MAB21L3: variants seen among roughly 807,000 people sequenced by gnomAD.
MAB21L3 encodes mab-21 like 3, also known as protein mab-21-like 3.
Under a neutral mutation model 37.7 loss-of-function variants are expected in MAB21L3, and 36 were observed. The ratio of observed to expected loss-of-function variants is 0.96; its 90% CI spans 0.73 to 1.26. MAB21L3 has a LOEUF of 1.26. Ranked by LOEUF, MAB21L3 falls within the 50% of genes most tolerant of loss-of-function variation. The probability of loss-of-function intolerance (pLI) is 0.00; values close to 1 mark genes in which losing one functional copy is unlikely to be tolerated. For synonymous variants in MAB21L3, 186 were observed against 176.8 expected, an observed-to-expected ratio of 1.05 and a Z score of -0.41; for missense variants, 430 against 447.3, an observed-to-expected ratio of 0.96 and a Z score of 0.35.
intron 3 of MAB21L3, among the ~76,000 whole-genome samples, chr1:116,114,407 A>C (rs1659511097): frequency 6.6e-6 from 1 of 152,228 alleles, no homozygotes; most frequent in Non-Finnish European, 1.5e-5. Flanking sequence ...TGTGATGTAC[A>C]TATTGCCTCC....
Position 116,127,554 on chromosome 1 carries a change from A to G in MAB21L3, c.570A>G (p.Ala190=), listed in dbSNP as rs770569541. The G allele has an allele frequency of 2.5e-6, 4 of 1,614,036 alleles. No individual in the cohort carries two copies. The highest frequency in any genetic ancestry group is 3.4e-6 in the Non-Finnish European group (4 of 1,180,038). Residue 190 remains alanine (A), a synonymous_variant, in exon 6 of 8, where the codon GCA becomes GCG. Transcript: ENST00000369500. ...AGGTGGAACTGGAGCTGGTCCCCGC[A>G]GTGGAGATCCCCACCACCTGGTCCA... is the stretch of plus-strand genomic sequence containing the variant. ...AYQVELELVP[A]VEIPTTWSKK... is the part of the protein sequence containing the mutation.
At position 116,131,517 on chromosome 1, in the gene MAB21L3, T is replaced by A. The variant is rs1468930186; in HGVS notation, c.856-1615T>A. Among the ~76,000 whole-genome samples the A allele has an allele frequency of 4.6e-5, 7 of 150,578 alleles. No homozygotes were observed. In the East Asian group the frequency reaches 7.7e-4, roughly 17 times the overall value. ...ACCTTGAAGTATTTTATTTTATTAA[T>A]TTTTTTTTTGTTTTTGAGACGGAGT... On this transcript the variant is annotated intron_variant, in intron 7 of 7. Coordinates refer to ENST00000369500, the MANE Select transcript of MAB21L3 (RefSeq NM_152367.3).
intron 7 of MAB21L3, among the ~76,000 whole-genome samples, chr1:116,130,375 A>AT (rs201914722): frequency 0.021 from 3,222 of 152,216 alleles, 103 homozygotes; most frequent in African/African-American, 0.074. Flanking sequence ...AAGGATGGGC[A>AT]TTTTTTTTAA....
chr1:116,113,623 T>A (rs1659490408), intron 3 of MAB21L3, among the ~76,000 whole-genome samples: 1 of 152,248 alleles, frequency 6.6e-6, no homozygotes, highest in South Asian at 2.1e-4. Flanking sequence ...CTAAACAGTG[T>A]TCGACACGTT....
chr1:116,123,439 T>A (rs567251885), intron 4 of MAB21L3, among the ~76,000 whole-genome samples: 68 of 152,338 alleles, frequency 4.5e-4, no homozygotes, highest in African/African-American at 1.6e-3. Flanking sequence ...CAAAATCTGT[T>A]ACGTCCCCTC....
chr1:116,124,133 G>A lies in MAB21L3; in HGVS notation c.257G>A (p.Arg86Lys). 1.2e-6 allele frequency: 2 copies of A among 1,614,144 alleles called. No homozygotes were observed. Among genetic ancestry groups the A allele is most frequent in the Non-Finnish European group, 1.7e-6 (2 of 1,179,988 alleles). The change falls in exon 5 of 8, where the codon AGG (arginine) becomes AAG (lysine). Residue 86 changes from arginine to lysine, a missense_variant. By Grantham distance (26) the Arg-to-Lys change is conservative (BLOSUM62 2). Transcript: ENST00000369500. ...GGCCTGGCCGGGTACAGGGAGGCCA[G>A]GGAGCAGCACTGGCGGTACTACACA... ...IKGLAGYREA[R>K]EQHWRYYTLQ...
chr1:116,119,526 T>C (rs1399432642), intron 3 of MAB21L3, among the ~76,000 whole-genome samples: 4 of 152,192 alleles, frequency 2.6e-5, no homozygotes, highest in South Asian at 2.1e-4. Context: ...AAAATGACTC[T>C]AGAATATGTA....
intron 4 of MAB21L3, among the ~76,000 whole-genome samples, chr1:116,123,442 G>A (rs1029750775): frequency 5.9e-5 from 9 of 151,924 alleles, no homozygotes; most frequent in East Asian, 1.9e-4. Context: ...AATCTGTTAC[G>A]TCCCCTCCTG....
intron 7 of MAB21L3, among the ~76,000 whole-genome samples, chr1:116,131,245 G>A (rs1272536849): frequency 6.6e-6 from 1 of 152,224 alleles, no homozygotes; most frequent in African/African-American, 2.4e-5. Flanking sequence ...CTAAGAGAGT[G>A]TGCAATGGGT....
intron 5 of MAB21L3, among the ~76,000 whole-genome samples, 156 bp downstream of exon 5, chr1:116,124,513 C>CT (rs983252162): frequency 1.3e-5 from 2 of 152,324 alleles, no homozygotes; most frequent in Non-Finnish European, 2.9e-5. Flanking sequence ...TATGAATCAG[C>CT]TTTTTTTCCT....
chr1:116,131,998 G>A (rs987447012), intron 7 of MAB21L3, among the ~76,000 whole-genome samples: 2 of 152,134 alleles, frequency 1.3e-5, no homozygotes, highest in African/African-American at 4.8e-5. Context: ...CTAGGTTTTC[G>A]TGTTGCACAA....
chr1:116,129,087 A>G (rs763348322), intron 7 of MAB21L3, among the ~76,000 whole-genome samples: 1 of 152,210 alleles, frequency 6.6e-6, no homozygotes, highest in Non-Finnish European at 1.5e-5. Flanking sequence ...TTCCTCACTC[A>G]TGGCACTTCT....
chr1:116,132,397 G>T (rs1237192341), intron 7 of MAB21L3, among the ~76,000 whole-genome samples: 1 of 152,138 alleles, frequency 6.6e-6, no homozygotes, highest in African/African-American at 2.4e-5. Flanking sequence ...AGGAGGGAGG[G>T]TGTGGGCGAG....
At chr1:116,127,206 G>A (rs1659932618) in intron 5 of MAB21L3, among the ~76,000 whole-genome samples, 1 of 152,102 alleles carries the variant, frequency 6.6e-6, no homozygotes, top group Non-Finnish European at 1.5e-5. Context: ...CTTGGGGTTG[G>A]GGGAGAAAGA....
At chr1:116,117,963 C>T (rs1659639788) in intron 3 of MAB21L3, among the ~76,000 whole-genome samples, 1 of 152,130 alleles carries the variant, frequency 6.6e-6, no homozygotes, top group South Asian at 2.1e-4. Flanking sequence ...TGGTTTTGCT[C>T]TCTGCTACCT....
chr1:116,121,633 T>A (rs965831307), intron 4 of MAB21L3, among the ~76,000 whole-genome samples: 1 of 151,648 alleles, frequency 6.6e-6, no homozygotes, highest in Admixed American at 6.6e-5. Flanking sequence ...TGAAAGTCAG[T>A]CTGTGGGTTG....
Position 116,120,522 on chromosome 1 carries a change from T to C in MAB21L3, c.49-410T>C, listed in dbSNP as rs778706728. ...GTGTGTATAATATCAGATATGACAC[T>C]ATATATTATAATATTGATATTATAC... On this transcript the variant is annotated intron_variant, in intron 3 of 7. Transcript: ENST00000369500. Among the ~76,000 whole-genome samples the C allele has an allele frequency of 3.6e-4, 55 of 150,942 alleles. 1 individual carries two copies. Among genetic ancestry groups the C allele is most frequent in the South Asian group, 8.3e-4 (4 of 4,800 alleles).
rs141075650 is a variant in MAB21L3, at chr1:116,123,319, C to T, written c.190-747C>T. ...TAAGCTTAGAATCATCTCAACAGCT[C>T]ACATTGTCTCAACAAATAAGCTTTC... On this transcript the variant is annotated intron_variant, in intron 4 of 7. Coordinates refer to ENST00000369500, the MANE Select transcript of MAB21L3 (RefSeq NM_152367.3). Among the ~76,000 whole-genome samples, 1,332 of 152,186 alleles carry T rather than the reference C, an allele frequency of 8.8e-3. 11 individuals are homozygous for T. Among genetic ancestry groups the T allele is most frequent in the South Asian group, 0.033 (159 of 4,826 alleles).
Position 116,132,002 on chromosome 1 carries a change from T to C in MAB21L3, c.856-1130T>C, listed in dbSNP as rs895131967. Among the ~76,000 whole-genome samples, 4 of 152,192 alleles carry C rather than the reference T, an allele frequency of 2.6e-5. No homozygotes were observed. In the East Asian group the frequency reaches 7.7e-4, roughly 29 times the overall value. On this transcript the variant is annotated intron_variant, in intron 7 of 7. Transcript: ENST00000369500. ...AAGGGCGACTCCTAGGTTTTCGTGT[T>C]GCACAACTAGCTAGTTAAGCAACTC...
Sources: gnomAD v4.1 joint callset for allele counts (sites outside exome capture counted in the v4.1 genomes callset) on GRCh38, gnomAD v4.1.1 for gene constraint, MANE v1.5 for transcripts, NCBI Gene and HGNC (gene_info 2026-07-23, HGNC 2026-07-21) for gene names.